CAMTA1: variants seen among roughly 807,000 people sequenced by gnomAD.
CAMTA1 encodes the protein calmodulin binding transcription activator 1.
A neutral mutation model predicts 170.9 loss-of-function variants in CAMTA1; 27 were observed. That is an observed-to-expected ratio of 0.16 (90% confidence interval 0.12 to 0.22). The LOEUF is 0.22. Among genes scored for constraint, CAMTA1 ranks in the 10% least tolerant of loss-of-function variants. CAMTA1 has a pLI of 1.00. For missense variants in CAMTA1, 1,619 were observed against 2,217.2 expected (o/e 0.73, Z 5.42); for synonymous variants, 833 against 891.5 (o/e 0.93, Z 1.17).
intron 3 of CAMTA1, among the ~76,000 whole-genome samples, chr1:6,923,212 G>C (rs1353932369): frequency 6.6e-6 from 1 of 152,132 alleles, no homozygotes; most frequent in Admixed American, 6.5e-5. Flanking sequence ...GATAGCACTG[G>C]CTGGTGCTGT....
chr1:7,492,856 A>C (rs2093740531), intron 6 of CAMTA1, among the ~76,000 whole-genome samples: 2 of 142,992 alleles, frequency 1.4e-5, no homozygotes, highest in African/African-American at 2.7e-5. Flanking sequence ...CACAAACACA[A>C]ACCTACAAAC....
At chr1:7,031,288 A>G (rs528547953) in intron 3 of CAMTA1, among the ~76,000 whole-genome samples, 1 of 152,242 alleles carries the variant, frequency 6.6e-6, no homozygotes, top group Non-Finnish European at 1.5e-5. Flanking sequence ...TTATGTCCTC[A>G]TGACTAATTA....
intron 3 of CAMTA1, among the ~76,000 whole-genome samples, chr1:6,939,284 T>G (rs1686002028): frequency 6.6e-6 from 1 of 152,268 alleles, no homozygotes; most frequent in Admixed American, 6.5e-5. Context: ...CTCTCCTTTT[T>G]ACATTAATTT....
At chr1:7,242,242 A>G (rs1664992415) in intron 4 of CAMTA1, among the ~76,000 whole-genome samples, 2 of 152,208 alleles carry the variant, frequency 1.3e-5, no homozygotes, top group African/African-American at 2.4e-5. Context: ...ACCACAATAC[A>G]CTCACTAGGA....
At chr1:7,165,492 T>C (rs774376093) in intron 4 of CAMTA1, among the ~76,000 whole-genome samples, 12 of 152,008 alleles carry the variant, frequency 7.9e-5, no homozygotes, top group Non-Finnish European at 1.6e-4. Flanking sequence ...AGTGCAGTAG[T>C]GCGATCTCGG....
chr1:7,468,997 C>T (rs752808544), intron 6 of CAMTA1, among the ~76,000 whole-genome samples: 3 of 152,194 alleles, frequency 2.0e-5, no homozygotes, highest in South Asian at 2.1e-4. Context: ...ATGTGGAGGC[C>T]GGGCTCAGCC....
At chr1:7,436,938 G>A (rs1379007322) in intron 5 of CAMTA1, among the ~76,000 whole-genome samples, 1 of 152,060 alleles carries the variant, frequency 6.6e-6, no homozygotes, top group Non-Finnish European at 1.5e-5. Flanking sequence ...TCTGAGCTGT[G>A]GGCAAAGCCT....
intron 3 of CAMTA1, among the ~76,000 whole-genome samples, chr1:7,037,897 T>C (rs1203425774): frequency 1.4e-5 from 2 of 148,020 alleles, no homozygotes; most frequent in Non-Finnish European, 3.0e-5. Context: ...ACTAGGAATA[T>C]ATATATTGGT....
At chr1:7,469,576 A>G (rs1042429515) in intron 6 of CAMTA1, among the ~76,000 whole-genome samples, 3 of 152,180 alleles carry the variant, frequency 2.0e-5, no homozygotes, top group African/African-American at 7.2e-5. Flanking sequence ...CCCCCTGGTC[A>G]GAACACCTCT....
At chr1:7,374,254 G>A (rs2086688833) in intron 5 of CAMTA1, among the ~76,000 whole-genome samples, 1 of 152,260 alleles carries the variant, frequency 6.6e-6, no homozygotes, top group Admixed American at 6.5e-5. Flanking sequence ...CCACAACTCA[G>A]GGATGGGCAA....
At chr1:7,133,832 A>G (rs1645396217) in intron 4 of CAMTA1, among the ~76,000 whole-genome samples, 2 of 152,132 alleles carry the variant, frequency 1.3e-5, no homozygotes, top group Admixed American at 1.3e-4. Context: ...TTTTTGTTTT[A>G]TTATTAGTAC....
intron 6 of CAMTA1, among the ~76,000 whole-genome samples, chr1:7,599,237 GT>G (rs773625116): frequency 1.3e-5 from 2 of 152,126 alleles, no homozygotes; most frequent in Non-Finnish European, 2.9e-5. Context: ...TTTGTCAAAG[GT>G]CAGATAGGTG....
intron 5 of CAMTA1, among the ~76,000 whole-genome samples, chr1:7,444,085 G>A (rs149236711): frequency 4.6e-5 from 7 of 152,320 alleles, no homozygotes; most frequent in Admixed American, 2.0e-4. Flanking sequence ...GAAACCCGCT[G>A]GTGCTCAGTG....
rs57209159 is a variant in CAMTA1 at position 7,102,023 on chromosome 1, A to AACAC, written c.302+10696_302+10699dup. On this transcript the variant is annotated intron_variant, in intron 4 of 22. Transcript: ENST00000303635. The stretch of plus-strand genomic sequence containing the variant: ...CATGTACACACATGCATAAATACAC[A>AACAC]ACACACACACACACACACACACACA... Among the ~76,000 whole-genome samples the AACAC allele has an allele frequency of 9.8e-3, 1,451 of 148,742 alleles. 10 individuals are homozygous for AACAC. The highest frequency in any genetic ancestry group is 0.014 in the Admixed American group (216 of 14,988).
intron 5 of CAMTA1, among the ~76,000 whole-genome samples, chr1:7,380,767 G>A (rs1401946469): frequency 6.6e-6 from 1 of 152,202 alleles, no homozygotes; most frequent in African/African-American, 2.4e-5. Flanking sequence ...TGCCAGGCAG[G>A]GTTAGGCACT....
chr1:6,795,787 A>G (rs1403729945), intron 1 of CAMTA1, among the ~76,000 whole-genome samples: 2 of 152,212 alleles, frequency 1.3e-5, no homozygotes, highest in African/African-American at 2.4e-5. Flanking sequence ...TTCATTCATG[A>G]ATCTGATTCT....
chr1:6,897,899 G>A (rs1037530609), intron 3 of CAMTA1, among the ~76,000 whole-genome samples: 1 of 152,152 alleles, frequency 6.6e-6, no homozygotes, highest in Admixed American at 6.5e-5. Flanking sequence ...AAACGTCTTG[G>A]TTTTCTTTTT....
intron 5 of CAMTA1, among the ~76,000 whole-genome samples, chr1:7,466,349 C>T (rs2093211040): frequency 1.3e-5 from 2 of 152,326 alleles, no homozygotes; most frequent in South Asian, 2.1e-4. Flanking sequence ...TTGGTTTATA[C>T]AGGGCTTAAG....
At chr1:6,913,275 C>T (rs567750953) in intron 3 of CAMTA1, among the ~76,000 whole-genome samples, 14 of 152,304 alleles carry the variant, frequency 9.2e-5, no homozygotes, top group Non-Finnish European at 1.8e-4. Context: ...TTGGCCTCCC[C>T]ACCCTCCGCT....
Sources: gnomAD v4.1 joint callset for allele counts (sites outside exome capture counted in the v4.1 genomes callset) on GRCh38, gnomAD v4.1.1 for gene constraint, MANE v1.5 for transcripts, NCBI Gene and HGNC (gene_info 2026-07-23, HGNC 2026-07-21) for gene names.